CHL1: variants seen among roughly 807,000 people sequenced by gnomAD.
The protein encoded by CHL1 is cell adhesion molecule L1 like, also known as neural cell adhesion molecule L1-like protein.
A neutral mutation model predicts 141.9 loss-of-function variants in CHL1; 96 were observed. That is an observed-to-expected ratio of 0.68 (90% CI 0.57 to 0.80). CHL1 has a LOEUF of 0.80. CHL1 is among the 30% of genes least tolerant of loss of function. The pLI, the probability that CHL1 is intolerant of heterozygous loss-of-function variation, is 0.00. For synonymous variants in CHL1, 613 were observed against 502.2 expected (o/e 1.22, Z -2.95); for missense variants, 1,820 against 1,457.2 (o/e 1.25, Z -4.05).
chr3:394,918 A>C, intron 24 of CHL1, 46 bp downstream of exon 24: 1 of 1,465,308 alleles, frequency 6.8e-7, no homozygotes, highest in South Asian at 1.3e-5. Context: ...TTAAAAAGAG[A>C]CTGCATCTTT....
At chr3:201,204 C>T (rs1463509926) in intron 1 of CHL1, among the ~76,000 whole-genome samples, 1 of 152,182 alleles carries the variant, frequency 6.6e-6, no homozygotes, top group East Asian at 1.9e-4. Flanking sequence ...TGACATTATT[C>T]TGCCATTTCT....
At chr3:307,593 C>G (rs1378370862) in intron 2 of CHL1, among the ~76,000 whole-genome samples, 5 of 151,988 alleles carry the variant, frequency 3.3e-5, no homozygotes, top group Non-Finnish European at 5.9e-5. Flanking sequence ...TTTTAATATC[C>G]TATTCACTCA....
intron 23 of CHL1, among the ~76,000 whole-genome samples, chr3:392,466 G>A (rs1409977756): frequency 1.3e-5 from 2 of 152,232 alleles, no homozygotes; most frequent in African/African-American, 2.4e-5. Flanking sequence ...CTAGAGTAAC[G>A]TGAATGTGTT....
At chr3:265,574 A>G (rs574589738) in intron 2 of CHL1, among the ~76,000 whole-genome samples, 3 of 152,250 alleles carry the variant, frequency 2.0e-5, no homozygotes, top group South Asian at 2.1e-4. Flanking sequence ...TGCAGTTCCA[A>G]TGGGGGATGA....
At position 363,267 on chromosome 3, in the gene CHL1, A is replaced by G. The variant is rs768713637; in HGVS notation, c.1469A>G (p.Tyr490Cys). The G allele has an allele frequency of 5.6e-6, 9 of 1,613,682 alleles. No individual in the cohort carries two copies. The highest frequency in any genetic ancestry group is 1.1e-5 in the South Asian group (1 of 91,054). Reference protein sequence around the residue: ...KPLEGRRYHIYENGTLQINRT... With the variant: ...KPLEGRRYHICENGTLQINRT... Reference sequence around the variant, plus strand: ...CTGGAGGGCAGGCGGTATCATATCTATGAAAATGGCACATTGCAGATCAAC... The same window carrying G: ...CTGGAGGGCAGGCGGTATCATATCTGTGAAAATGGCACATTGCAGATCAAC... Residue 490 changes from tyrosine to cysteine, a missense_variant, in exon 14 of 28, where the codon TAT becomes TGT. Physicochemically the swap from Tyr to Cys is radical, Grantham distance 194. Coordinates refer to ENST00000256509, the MANE Select transcript of CHL1 (RefSeq NM_006614.4).
At chr3:396,455 A>G (rs1708675785) in intron 24 of CHL1, among the ~76,000 whole-genome samples, 1 of 152,202 alleles carries the variant, frequency 6.6e-6, no homozygotes, top group African/African-American at 2.4e-5. Context: ...ATGAGAAAAA[A>G]TATTCACAGA....
chr3:323,373 A>C (rs1194459326), intron 3 of CHL1, among the ~76,000 whole-genome samples: 2 of 152,128 alleles, frequency 1.3e-5, no homozygotes, highest in African/African-American at 4.8e-5. Flanking sequence ...TTGATATTCT[A>C]TAATGAAATG....
At chr3:232,116 T>TCCAAGA (rs1701916727) in intron 1 of CHL1, among the ~76,000 whole-genome samples, 1 of 151,304 alleles carries the variant, frequency 6.6e-6, no homozygotes, top group South Asian at 2.1e-4. Flanking sequence ...ATTCGTATAT[T>TCCAAGA]CATCTCCTTA....
At chr3:212,368 C>T (rs1182095293) in intron 1 of CHL1, among the ~76,000 whole-genome samples, 1 of 152,042 alleles carries the variant, frequency 6.6e-6, no homozygotes, top group Non-Finnish European at 1.5e-5. Flanking sequence ...TATGTATGTC[C>T]TTTGTCTGCT....
chr3:260,216 A>T (rs1694578385), intron 2 of CHL1, among the ~76,000 whole-genome samples: 1 of 152,122 alleles, frequency 6.6e-6, no homozygotes, highest in Non-Finnish European at 1.5e-5. Flanking sequence ...GTGAGTCGAG[A>T]TGGTGCCACT....
chr3:273,165 G>A (rs1250202707), intron 2 of CHL1, among the ~76,000 whole-genome samples: 2 of 152,158 alleles, frequency 1.3e-5, no homozygotes, highest in African/African-American at 4.8e-5. Flanking sequence ...GGAGGTGGGA[G>A]TAAATTCAGC....
Position 366,142 on chromosome 3 carries a change from A to G in CHL1, c.1751+27A>G, listed in dbSNP as rs757387805. The stretch of plus-strand genomic sequence containing the variant: ...TAGGTAAACTATTATGATATGTCAT[A>G]ATATTTGCTTGGGGTAAACAACTTG... On this transcript the variant is annotated intron_variant, in intron 15 of 27. Coordinates refer to ENST00000256509, the MANE Select transcript of CHL1 (RefSeq NM_006614.4). 30 of 1,601,426 alleles carry G rather than the reference A, an allele frequency of 1.9e-5. No individual in the cohort carries two copies. In the South Asian group the frequency reaches 2.9e-4, roughly 16 times the overall value.
intron 1 of CHL1, among the ~76,000 whole-genome samples, chr3:243,777 A>G (rs951823862): frequency 6.6e-5 from 10 of 152,170 alleles, no homozygotes; most frequent in Non-Finnish European, 1.3e-4. Context: ...CTTAATTAGT[A>G]ATTTCTACCA....
At chr3:296,877 C>T (rs1263123153) in intron 2 of CHL1, among the ~76,000 whole-genome samples, 1 of 152,030 alleles carries the variant, frequency 6.6e-6, no homozygotes. Flanking sequence ...ATTATATCAG[C>T]AAACTACATA....
intron 4 of CHL1, among the ~76,000 whole-genome samples, chr3:326,415 A>T (rs1701018385): frequency 6.6e-6 from 1 of 151,996 alleles, no homozygotes; most frequent in African/African-American, 2.4e-5. Flanking sequence ...TTATTAAGTC[A>T]AAGTTTGTAA....
At chr3:320,715 T>TA (rs1383144016) in intron 3 of CHL1, among the ~76,000 whole-genome samples, 1 of 151,938 alleles carries the variant, frequency 6.6e-6, no homozygotes, top group Non-Finnish European at 1.5e-5. Flanking sequence ...AAATAAAAAC[T>TA]AAAAAAATCT....
At chr3:198,067 G>A (rs1387105449) in intron 1 of CHL1, 2 of 299,268 alleles carry the variant, frequency 6.7e-6, no homozygotes, top group African/African-American at 2.2e-5. Flanking sequence ...CCACGGGCCG[G>A]AGGAGCAGCA....
intron 2 of CHL1, among the ~76,000 whole-genome samples, chr3:306,270 C>T (rs1699219258): frequency 1.3e-5 from 2 of 152,186 alleles, no homozygotes; most frequent in East Asian, 3.9e-4. Context: ...ATAAATGTGT[C>T]TTAAGTATCT....
rs1015913234 is a variant in CHL1 at position 304,069 on chromosome 3, C to T, written c.-94-15614C>T. Among the ~76,000 whole-genome samples the T allele has an allele frequency of 3.3e-5, 5 of 152,028 alleles. 1 individual carries two copies. Among genetic ancestry groups the T allele is most frequent in the East Asian group, 1.9e-4 (1 of 5,186 alleles). On this transcript the variant is annotated intron_variant, in intron 2 of 27. Transcript: ENST00000256509. ...TTGAACCAGCCTTGCATCCCAGGTA[C>T]GAAGCCAACTTCGTACCTGGTGGTA...
Sources: gnomAD v4.1 joint callset for allele counts (sites outside exome capture counted in the v4.1 genomes callset) on GRCh38, gnomAD v4.1.1 for gene constraint, MANE v1.5 for transcripts, NCBI Gene and HGNC (gene_info 2026-07-23, HGNC 2026-07-21) for gene names.